HDGFL2: variants seen among roughly 807,000 people sequenced by gnomAD.
HDGFL2 encodes the protein HDGF like 2, also known as hepatoma-derived growth factor-related protein 2.
HDGFL2 carries 36 observed loss-of-function variants against 77.1 expected under a neutral mutation model. The observed-to-expected ratio is 0.47, with a 90% CI of 0.36 to 0.62. The LOEUF is 0.62. Among genes scored for constraint, HDGFL2 ranks in the 20% least tolerant of loss-of-function variants. HDGFL2 has a pLI of 0.00. For missense variants in HDGFL2, 976 were observed against 973.4 expected (o/e 1.00, Z -0.04); for synonymous variants, 463 against 413.1 (o/e 1.12, Z -1.46).
Position 4,496,315 on chromosome 19 carries a change from CGAA to C in HDGFL2, c.1243_1245del (p.Lys415del), listed in dbSNP as rs1293119429. ...TGACTGCTATAGGCCAAGAAATCAG[CGAA>C]GAAGCCGCAGTCCTCAAGCACAGAG... On this transcript the variant is annotated inframe_deletion, in exon 10 of 16. Transcript: ENST00000616600. 3 of 1,613,952 alleles carry C rather than the reference CGAA, an allele frequency of 1.9e-6. No individual in the cohort carries two copies. The highest frequency in any genetic ancestry group is 2.2e-5 in the East Asian group (1 of 44,880).
chr19:4,498,243 CT>C (rs1975761039), intron 11 of HDGFL2, 62 bp from the exon 12 acceptor site: 2 of 1,459,760 alleles, frequency 1.4e-6, no homozygotes, highest in African/African-American at 2.8e-5. Flanking sequence ...GGCTCCTGCC[CT>C]TGAACAGCTG....
Position 4,497,953 on chromosome 19 carries a change from C to T in HDGFL2, c.1329-5C>T. The T allele has an allele frequency of 6.4e-7, 1 of 1,552,058 alleles. No individual in the cohort carries two copies. The highest frequency in any genetic ancestry group is 8.7e-7 in the Non-Finnish European group (1 of 1,147,266). On this transcript the variant is annotated splice_region_variant and splice_polypyrimidine_tract_variant and intron_variant, in intron 10 of 15. Coordinates refer to ENST00000616600, the MANE Select transcript of HDGFL2 (RefSeq NM_001001520.3). ...GGCCCGACTGAGGGGAGCACTTCTC[C>T]ACAGGCCCGTGAAGGTGGAGCGGAC...
chr19:4,498,283 C>T lies in HDGFL2; in HGVS notation c.1403-23C>T, dbSNP rs185537357. The T allele has an allele frequency of 9.8e-4, 1,567 of 1,604,108 alleles. 20 individuals are homozygous for T. The Admixed American group carries it at 0.022, about 23-fold the overall frequency. ...CCCTGTGGCCCTGCCTGGGCCCACACGGTGCTCTCTCTCCTGGCCCAGAGC... is the reference window on the plus strand; with the variant it reads ...CCCTGTGGCCCTGCCTGGGCCCACATGGTGCTCTCTCTCCTGGCCCAGAGC... On this transcript the variant is annotated intron_variant, in intron 11 of 15. Coordinates refer to ENST00000616600, the MANE Select transcript of HDGFL2 (RefSeq NM_001001520.3).
chr19:4,497,899 G>T (rs1397303444), intron 10 of HDGFL2, 59 bp from the exon 11 acceptor site: 1 of 1,453,776 alleles, frequency 6.9e-7, no homozygotes, highest in African/African-American at 1.4e-5. Flanking sequence ...TCAGGCGCCA[G>T]CCCCTCAGTG....
chr19:4,500,138 T>C (rs1018697677), intron 14 of HDGFL2, among the ~76,000 whole-genome samples: 13 of 152,124 alleles, frequency 8.5e-5, no homozygotes, highest in Non-Finnish European at 1.5e-4. Flanking sequence ...GGAGATGAGG[T>C]GTGACCCTCG....
chr19:4,496,323 C>T lies in HDGFL2; in HGVS notation c.1246C>T (p.Pro416Ser), dbSNP rs940963072. 2 of 1,614,046 alleles carry T rather than the reference C, an allele frequency of 1.2e-6. No individual in the cohort carries two copies. Among genetic ancestry groups the T allele is most frequent in the Non-Finnish European group, 1.7e-6 (2 of 1,180,004 alleles). Residue 416 changes from proline to serine, a missense_variant, in exon 10 of 16, where the codon CCG becomes TCG. This residue lies in a region of HDGFL2 where 567 missense variants were observed against 534.7 expected (regional missense o/e 1.06). Coordinates refer to ENST00000616600, the MANE Select transcript of HDGFL2 (RefSeq NM_001001520.3). Reference protein sequence around the residue: ...EREAKKSAKKPQSSSTEPARK... With the variant: ...EREAKKSAKKSQSSSTEPARK... ...ATAGGCCAAGAAATCAGCGAAGAAG[C>T]CGCAGTCCTCAAGCACAGAGCCCGC...
intron 3 of HDGFL2, among the ~76,000 whole-genome samples, chr19:4,485,417 G>GT (rs1975334913): frequency 6.6e-6 from 1 of 151,950 alleles, no homozygotes; most frequent in Non-Finnish European, 1.5e-5. Context: ...GGACATTTGG[G>GT]TTTTTTTCAG....
chr19:4,499,647 G>A lies in HDGFL2; in HGVS notation c.1732G>A (p.Glu578Lys). The change falls in exon 14 of 16, where the codon GAG (glutamate) becomes AAG (lysine). Residue 578 changes from glutamate to lysine, a missense_variant. Transcript: ENST00000616600. Reference sequence around the variant, plus strand: ...GAAGGCCGAGGAGAAGCTGGCCGGGGAGGAGCTGGCCGGGGAGGAGGCCCC... The same window carrying A: ...GAAGGCCGAGGAGAAGCTGGCCGGGAAGGAGCTGGCCGGGGAGGAGGCCCC... ...KEKAEEKLAG[E>K]ELAGEEAPQE... The A allele has an allele frequency of 6.3e-7, 1 of 1,584,144 alleles. No homozygotes were observed. Among genetic ancestry groups the A allele is most frequent in the Non-Finnish European group, 8.6e-7 (1 of 1,164,860 alleles).
intron 3 of HDGFL2, among the ~76,000 whole-genome samples, chr19:4,487,802 A>G (rs781336100): frequency 4.6e-5 from 7 of 152,178 alleles, no homozygotes; most frequent in Non-Finnish European, 1.0e-4. Flanking sequence ...CATAAGAAGC[A>G]TCAGATAGGT....
In HDGFL2 at chr19:4,491,826, G is replaced by GA. The variant is rs1219916331; in HGVS notation, c.677dup (p.Lys227GlufsTer20). ...CACGGAGGGGCCCTCTGGGGGGACG[G>GA]AAAAAAAAGGTAGCGTGCACTTGAC... On this transcript the variant is annotated frameshift_variant, in exon 6 of 16. Transcript: ENST00000616600. LOFTEE classifies it high-confidence loss of function. 3.1e-6 allele frequency: 5 copies of GA among 1,612,210 alleles called. No individual in the cohort carries two copies. The highest frequency in any genetic ancestry group is 2.7e-5 in the African/African-American group (2 of 74,770).
chr19:4,497,844 G>A (rs1469644011), intron 10 of HDGFL2, 114 bp from the exon 11 acceptor site: 1 of 916,526 alleles, frequency 1.1e-6, no homozygotes, highest in Non-Finnish European at 1.7e-6. Flanking sequence ...TTAGCTCCCA[G>A]GGCCTCCCAA....
chr19:4,492,965 CTG>C (rs1163630194), intron 6 of HDGFL2, among the ~76,000 whole-genome samples: 9 of 98,492 alleles, frequency 9.1e-5, no homozygotes, highest in South Asian at 3.6e-4. Context: ...TGTGAGTTGT[CTG>C]TGGTGTGTGG....
intron 3 of HDGFL2, among the ~76,000 whole-genome samples, chr19:4,484,489 C>A (rs1317711624): frequency 1.9e-5 from 2 of 105,584 alleles, no homozygotes; most frequent in African/African-American, 3.8e-5. Flanking sequence ...ACCATTCTTG[C>A]TAATTCCAGG....
At chr19:4,478,005 G>A (rs1030431109) in intron 3 of HDGFL2, among the ~76,000 whole-genome samples, 2 of 151,126 alleles carry the variant, frequency 1.3e-5, no homozygotes, top group Non-Finnish European at 3.0e-5. Context: ...GCTTCAACGC[G>A]GGAGGGAGAA....
At chr19:4,501,148 G>T in intron 14 of HDGFL2, 43 bp from the exon 15 acceptor site, 1 of 1,610,792 alleles carries the variant, frequency 6.2e-7, no homozygotes, top group Non-Finnish European at 8.5e-7. Flanking sequence ...GGGGTGCCCA[G>T]CTGGAGCCCA....
chr19:4,491,817 G>C lies in HDGFL2; in HGVS notation c.660G>C (p.Leu220=). 2 of 1,613,820 alleles carry C rather than the reference G, an allele frequency of 1.2e-6. No homozygotes were observed. Among genetic ancestry groups the C allele is most frequent in the Non-Finnish European group, 1.7e-6 (2 of 1,179,892 alleles). The change falls in exon 6 of 16, where the codon CTG becomes CTC. Residue 220 remains leucine (L), a synonymous_variant. Coordinates refer to ENST00000616600, the MANE Select transcript of HDGFL2 (RefSeq NM_001001520.3). ...AAVRAPRRGP[L]GGRKKKKAPS... ...TCCGGGCGCCACGGAGGGGCCCTCT[G>C]GGGGGACGGAAAAAAAAGGTAGCGT...
chr19:4,486,525 CAA>C (rs570362970), intron 3 of HDGFL2: 34 of 114,280 alleles, frequency 3.0e-4, no homozygotes, highest in Non-Finnish European at 2.8e-4. Flanking sequence ...AATTCCATCT[CAA>C]AAAAAAAAAA....
chr19:4,500,452 ATTTTTTTT>A lies in HDGFL2; in HGVS notation c.1790-720_1790-713del, dbSNP rs67297373. Among the ~76,000 whole-genome samples, 803 of 88,722 alleles carry A rather than the reference ATTTTTTTT, an allele frequency of 9.1e-3. 5 individuals are homozygous for A. The highest frequency in any genetic ancestry group is 0.02 in the Admixed American group (159 of 7,876). 58.2% of individuals were successfully genotyped at this position (88,722 alleles called of 152,430 possible). On this transcript the variant is annotated intron_variant, in intron 14 of 15. Coordinates refer to ENST00000616600, the MANE Select transcript of HDGFL2 (RefSeq NM_001001520.3). Reference sequence around the variant, plus strand: ...AGGCCTACACCACTATGCCCTGCTAATTTTTTTTTTTTTTTTTTTTTTTTTTGAGACGG... The same window carrying A: ...AGGCCTACACCACTATGCCCTGCTAATTTTTTTTTTTTTTTTTTGAGACGG...
At chr19:4,481,850 A>G (rs1048561987) in intron 3 of HDGFL2, among the ~76,000 whole-genome samples, 10 of 152,020 alleles carry the variant, frequency 6.6e-5, no homozygotes, top group African/African-American at 2.4e-4. Flanking sequence ...ATCGACACTT[A>G]GGAAGCGCTC....
Sources: allele counts gnomAD v4.1 joint callset (sites outside exome capture counted in the v4.1 genomes callset), GRCh38; gene constraint gnomAD v4.1.1; regional missense constraint gnomAD v4.1.1; transcripts MANE v1.5; gene names NCBI Gene and HGNC (gene_info 2026-07-23, HGNC 2026-07-21).